PHF24: variants seen among roughly 807,000 people sequenced by gnomAD.
PHF24 encodes the protein PHD finger protein 24.
PHF24 carries 25 observed loss-of-function variants against 42.6 expected under a neutral mutation model. That is an observed-to-expected ratio of 0.59 (90% CI 0.43 to 0.82). The LOEUF is 0.82. Among genes scored for constraint, PHF24 ranks in the 40% least tolerant of loss-of-function variants. PHF24 has a pLI of 0.00. For missense variants in PHF24, 470 were observed against 538.1 expected, an observed-to-expected ratio of 0.87 and a Z score of 1.25; for synonymous variants, 185 against 204.8, an observed-to-expected ratio of 0.90 and a Z score of 0.83.
chr9:34,882,025 G>T, the PHF24 span, among the ~76,000 whole-genome samples: 2 of 152,100 alleles, frequency 1.3e-5, no homozygotes, highest in East Asian at 3.9e-4. Context: ...CAATCAAGTT[G>T]GTTTCATCCC....
At chr9:34,731,586 T>C in the PHF24 span, among the ~76,000 whole-genome samples, 1 of 152,238 alleles carries the variant, frequency 6.6e-6, no homozygotes, top group African/African-American at 2.4e-5. Context: ...TCACTTAATA[T>C]AATGTTCTTC....
intron 3 of PHF24, among the ~76,000 whole-genome samples, chr9:34,975,367 A>T (rs1047808715): frequency 5.9e-5 from 9 of 152,236 alleles, no homozygotes; most frequent in African/African-American, 2.2e-4. Flanking sequence ...ATTATATATT[A>T]GTTTTTAAAA....
the PHF24 span, among the ~76,000 whole-genome samples, chr9:34,865,568 GTAAA>G: frequency 6.8e-6 from 1 of 146,194 alleles, no homozygotes; most frequent in East Asian, 2.0e-4. Context: ...TGTCTCAAAA[GTAAA>G]TAAATAAAAT....
At chr9:34,877,670 C>T in the PHF24 span, among the ~76,000 whole-genome samples, 1 of 151,848 alleles carries the variant, frequency 6.6e-6, no homozygotes, top group South Asian at 2.1e-4. Flanking sequence ...TTTTAATGCT[C>T]AGTGATTACC....
the PHF24 span, among the ~76,000 whole-genome samples, chr9:34,742,331 G>C: frequency 2.0e-5 from 3 of 152,158 alleles, no homozygotes; most frequent in Non-Finnish European, 4.4e-5. Flanking sequence ...GAGTGAGAGT[G>C]GGCTGTGGGA....
At chr9:34,881,504 C>T in the PHF24 span, among the ~76,000 whole-genome samples, 33 of 151,828 alleles carry the variant, frequency 2.2e-4, no homozygotes, top group Non-Finnish European at 4.3e-4. Context: ...ATCAAATAGA[C>T]GCAATAAAAA....
the PHF24 span, chr9:34,709,282 G>C: frequency 2.4e-6 from 3 of 1,265,298 alleles, no homozygotes; most frequent in Non-Finnish European, 3.4e-6. Flanking sequence ...AGGCCAGCAT[G>C]GGGTGGCTGC....
the PHF24 span, among the ~76,000 whole-genome samples, chr9:34,772,100 G>A: frequency 1.3e-5 from 2 of 152,302 alleles, no homozygotes; most frequent in African/African-American, 4.8e-5. Context: ...TTTCAGCTGA[G>A]GTTTCAGCTC....
intron 1 of PHF24, among the ~76,000 whole-genome samples, chr9:34,971,054 G>GCCTGC (rs1563931720): frequency 1.1e-4 from 16 of 152,204 alleles, no homozygotes; most frequent in Non-Finnish European, 1.9e-4. Flanking sequence ...AGTTCAAGAA[G>GCCTGC]AGCCTGGGCA....
At chr9:34,724,239 C>T in the PHF24 span, 3 of 1,551,484 alleles carry the variant, frequency 1.9e-6, no homozygotes, top group African/African-American at 1.4e-5. Flanking sequence ...TCTGTCATGT[C>T]CCCACTGGGC....
the PHF24 span, chr9:34,709,070 G>A: frequency 8.7e-4 from 385 of 441,186 alleles, 2 homozygotes; most frequent in South Asian, 5.6e-3. Flanking sequence ...AGGAAGAGGT[G>A]GGGTGTACTG....
the PHF24 span, among the ~76,000 whole-genome samples, chr9:34,897,215 C>A: frequency 6.6e-6 from 1 of 152,154 alleles, no homozygotes; most frequent in Non-Finnish European, 1.5e-5. Flanking sequence ...GCATTAGTTC[C>A]TCCACCAGAC....
the PHF24 span, among the ~76,000 whole-genome samples, chr9:34,722,090 CTG>C: frequency 6.6e-6 from 1 of 152,164 alleles, no homozygotes; most frequent in South Asian, 2.1e-4. Flanking sequence ...CTCACTCTCT[CTG>C]TATTATCTGA....
At chr9:34,706,841 A>G in the PHF24 span, among the ~76,000 whole-genome samples, 1 of 152,124 alleles carries the variant, frequency 6.6e-6, no homozygotes, top group Non-Finnish European at 1.5e-5. Context: ...CACCAGGGGA[A>G]AATGCCGGGC....
the PHF24 span, among the ~76,000 whole-genome samples, chr9:34,951,145 CA>C: frequency 1.3e-5 from 2 of 152,126 alleles, no homozygotes; most frequent in African/African-American, 4.8e-5. Flanking sequence ...TCCTGTGGTT[CA>C]AGAGTTCATG....
the PHF24 span, among the ~76,000 whole-genome samples, chr9:34,678,788 G>A: frequency 2.0e-5 from 3 of 152,012 alleles, no homozygotes; most frequent in African/African-American, 7.3e-5. Context: ...GGGCTACCAT[G>A]CCCGGCTAAT....
intron 3 of PHF24, 50 bp from the exon 4 acceptor site, chr9:34,976,102 C>T: frequency 7.4e-7 from 1 of 1,358,322 alleles, no homozygotes; most frequent in Non-Finnish European, 1.1e-6. Flanking sequence ...TGACCCTGGC[C>T]TTTCTTACTG....
the PHF24 span, among the ~76,000 whole-genome samples, chr9:34,783,755 G>T: frequency 1.3e-5 from 2 of 152,162 alleles, no homozygotes; most frequent in Non-Finnish European, 2.9e-5. Context: ...ATACTGCATT[G>T]GGAGGGCAGT....
chr9:34,959,118 G>A (rs1437800117), intron 1 of PHF24, among the ~76,000 whole-genome samples: 1 of 152,186 alleles, frequency 6.6e-6, no homozygotes, highest in African/African-American at 2.4e-5. Flanking sequence ...AAACTGCTGC[G>A]AGAGCACAGG....
Sources: allele counts gnomAD v4.1 joint callset (sites outside exome capture counted in the v4.1 genomes callset), GRCh38; gene constraint gnomAD v4.1.1; transcripts MANE v1.5; gene names NCBI Gene and HGNC (gene_info 2026-07-23, HGNC 2026-07-21).